Variants in INPP4B observed in about 807,000 individuals in gnomAD.
The protein encoded by INPP4B is inositol polyphosphate 4-phosphatase type II.
A neutral mutation model predicts 122.5 loss-of-function variants in INPP4B; 55 were observed. The ratio of observed to expected loss-of-function variants is 0.45; its 90% CI spans 0.36 to 0.56. The LOEUF (loss-of-function observed/expected upper bound fraction) is 0.56. INPP4B is among the 20% of genes least tolerant of loss of function. INPP4B has a pLI of 0.00. For synonymous variants in INPP4B, 403 were observed against 388.7 expected, an observed-to-expected ratio of 1.04 and a Z score of -0.43; for missense variants, 1,000 against 1,097.7, an observed-to-expected ratio of 0.91 and a Z score of 1.26.
At chr4:142,628,659 AT>A (rs1747170997) in intron 2 of INPP4B, among the ~76,000 whole-genome samples, 2 of 149,716 alleles carry the variant, frequency 1.3e-5, no homozygotes, top group Admixed American at 6.7e-5. Flanking sequence ...GGTTATTTAT[AT>A]TTTTCTTTGA....
chr4:142,139,288 T>G (rs1579048151), intron 18 of INPP4B, among the ~76,000 whole-genome samples: 1 of 151,214 alleles, frequency 6.6e-6, no homozygotes, highest in South Asian at 2.1e-4. Flanking sequence ...AATTTGTGAG[T>G]TGTTCTAGTC....
At chr4:142,535,973 A>C (rs998320448) in intron 2 of INPP4B, among the ~76,000 whole-genome samples, 2 of 152,156 alleles carry the variant, frequency 1.3e-5, no homozygotes, top group African/African-American at 4.8e-5. Context: ...CCAGCCCAGT[A>C]CTGGCCTTAG....
chr4:142,651,369 T>C (rs997265299), intron 2 of INPP4B, among the ~76,000 whole-genome samples: 4 of 151,812 alleles, frequency 2.6e-5, no homozygotes, highest in African/African-American at 9.7e-5. Context: ...ATAACTAAGA[T>C]CAGAGCAGAA....
chr4:142,797,714 T>C (rs1213598125), intron 1 of INPP4B, among the ~76,000 whole-genome samples: 2 of 152,014 alleles, frequency 1.3e-5, no homozygotes, highest in African/African-American at 2.4e-5. Context: ...TTGTCATTTT[T>C]ATCATTAAAT....
chr4:142,636,565 G>A (rs1749210288), intron 2 of INPP4B, among the ~76,000 whole-genome samples: 1 of 151,994 alleles, frequency 6.6e-6, no homozygotes, highest in African/African-American at 2.4e-5. Context: ...TATTGACCAA[G>A]AGGTATTAGT....
chr4:142,608,383 T>A (rs531120148), intron 2 of INPP4B, among the ~76,000 whole-genome samples: 1 of 152,310 alleles, frequency 6.6e-6, no homozygotes, highest in East Asian at 1.9e-4. Flanking sequence ...AACATGATAA[T>A]GTCAATGGCC....
intron 23 of INPP4B, among the ~76,000 whole-genome samples, 186 bp downstream of exon 23, chr4:142,107,907 C>G (rs537374664): frequency 1.3e-5 from 2 of 152,242 alleles, no homozygotes; most frequent in South Asian, 4.1e-4. Flanking sequence ...AGAAGGCAAT[C>G]AAGAGAATGA....
Position 142,674,160 on chromosome 4 carries a change from T to C in INPP4B, c.-191+51679A>G, listed in dbSNP as rs192932847. Among the ~76,000 whole-genome samples the C allele has an allele frequency of 7.9e-5, 12 of 152,266 alleles. No homozygotes were observed. In the East Asian group the frequency reaches 1.9e-3, roughly 25 times the overall value. ...CTCCCTATGGGTCGTCTGAGGCCTC[T>C]ATTGCAATTACTTTTCAATTCAACT... On this transcript the variant is annotated intron_variant, in intron 2 of 25. Coordinates refer to ENST00000262992, the MANE Select transcript of INPP4B (RefSeq NM_001101669.3).
intron 7 of INPP4B, among the ~76,000 whole-genome samples, chr4:142,316,074 G>T (rs576226154): frequency 6.6e-6 from 1 of 152,158 alleles, no homozygotes; most frequent in South Asian, 2.1e-4. Flanking sequence ...AATAAAATGT[G>T]CATTTGAACT....
At chr4:142,824,813 AG>A (rs1781256958) in intron 1 of INPP4B, among the ~76,000 whole-genome samples, 1 of 151,428 alleles carries the variant, frequency 6.6e-6, no homozygotes, top group Non-Finnish European at 1.5e-5. Context: ...TAAAAAAAAA[AG>A]TCTAGAACTT....
intron 2 of INPP4B, among the ~76,000 whole-genome samples, chr4:142,593,991 T>G (rs1212017924): frequency 6.6e-6 from 1 of 152,166 alleles, no homozygotes; most frequent in African/African-American, 2.4e-5. Context: ...CTTAATTCTT[T>G]TTAATAACTA....
intron 2 of INPP4B, among the ~76,000 whole-genome samples, chr4:142,675,220 C>G (rs1757575207): frequency 6.6e-6 from 1 of 152,136 alleles, no homozygotes; most frequent in Non-Finnish European, 1.5e-5. Flanking sequence ...ACTATAAACA[C>G]CTCTATGCAA....
At chr4:142,624,593 C>T (rs1745857230) in intron 2 of INPP4B, among the ~76,000 whole-genome samples, 2 of 151,994 alleles carry the variant, frequency 1.3e-5, no homozygotes, top group South Asian at 4.1e-4. Flanking sequence ...CTATTCCAAT[C>T]AATAGAAAAA....
intron 2 of INPP4B, among the ~76,000 whole-genome samples, chr4:142,651,599 G>A (rs536564655): frequency 2.2e-4 from 33 of 152,180 alleles, no homozygotes; most frequent in South Asian, 1.2e-3. Flanking sequence ...ACATTTCTAC[G>A]CAAATAAACT....
At chr4:142,149,983 G>T (rs1419184419) in intron 17 of INPP4B, among the ~76,000 whole-genome samples, 1 of 152,122 alleles carries the variant, frequency 6.6e-6, no homozygotes, top group Non-Finnish European at 1.5e-5. Context: ...GCTAGAGAAG[G>T]GTAAGAAAGA....
intron 7 of INPP4B, among the ~76,000 whole-genome samples, chr4:142,341,630 T>C (rs1208214967): frequency 6.6e-6 from 1 of 152,180 alleles, no homozygotes; most frequent in Non-Finnish European, 1.5e-5. Context: ...TCATAGGATG[T>C]TACTCTCATG....
chr4:142,706,868 A>T (rs1762536446), intron 2 of INPP4B, among the ~76,000 whole-genome samples: 5 of 152,248 alleles, frequency 3.3e-5, no homozygotes, highest in African/African-American at 1.2e-4. Flanking sequence ...CTTCTGGCTT[A>T]TTCTTTACAC....
intron 1 of INPP4B, among the ~76,000 whole-genome samples, chr4:142,774,170 T>C (rs376379254): frequency 2.6e-5 from 4 of 152,048 alleles, no homozygotes; most frequent in African/African-American, 9.7e-5. Flanking sequence ...TCCAAAATGA[T>C]CAGAGAAAAA....
intron 2 of INPP4B, among the ~76,000 whole-genome samples, chr4:142,485,822 A>G (rs1293750979): frequency 6.6e-6 from 1 of 152,168 alleles, no homozygotes; most frequent in African/African-American, 2.4e-5. Flanking sequence ...TACCTCCCAC[A>G]TACACCCATT....
Sources: gnomAD v4.1 joint callset for allele counts (sites outside exome capture counted in the v4.1 genomes callset) on GRCh38, gnomAD v4.1.1 for gene constraint, MANE v1.5 for transcripts, NCBI Gene and HGNC (gene_info 2026-07-23, HGNC 2026-07-21) for gene names.